STPG2: variants seen among roughly 807,000 people sequenced by gnomAD.
The protein encoded by STPG2 is sperm-tail PG-rich repeat-containing protein 2.
In STPG2, 56 loss-of-function variants were observed where a neutral mutation model predicts 54.2. That is an observed-to-expected ratio of 1.03 (90% CI 0.83 to 1.29). The LOEUF is 1.29. Ranked by LOEUF, STPG2 falls within the 50% of genes most tolerant of loss-of-function variation. The pLI is 0.00. For missense variants in STPG2, 596 were observed against 544.9 expected (o/e 1.09, Z -0.93); for synonymous variants, 200 against 181.8 (o/e 1.10, Z -0.81).
chr4:97,733,854 A>C (rs72879535), intron 9 of STPG2, among the ~76,000 whole-genome samples: 18,764 of 151,578 alleles, frequency 0.12, 1,755 homozygotes, highest in African/African-American at 0.25. Context: ...GTGACGGTTT[A>C]CTCGATATTT....
At chr4:98,097,530 G>A (rs1458299998) in intron 5 of STPG2, among the ~76,000 whole-genome samples, 2 of 152,084 alleles carry the variant, frequency 1.3e-5, no homozygotes, top group Non-Finnish European at 2.9e-5. Flanking sequence ...CATACTGAAT[G>A]GGAAAAACTG....
intron 10 of STPG2, among the ~76,000 whole-genome samples, chr4:97,643,372 T>C (rs1016630904): frequency 1.1e-4 from 16 of 151,696 alleles, no homozygotes; most frequent in Non-Finnish European, 2.4e-4. Context: ...TAACTTCCTC[T>C]TTGTACAGTC....
chr4:97,826,403 T>TA (rs59370561), intron 9 of STPG2, among the ~76,000 whole-genome samples: 88,655 of 152,000 alleles, frequency 0.58, 26,422 homozygotes, highest in East Asian at 0.74. Context: ...AAATTAATTG[T>TA]AAAGAGATTC....
intron 4 of STPG2, among the ~76,000 whole-genome samples, chr4:97,476,862 T>C (rs968556845): frequency 6.6e-6 from 1 of 152,184 alleles, no homozygotes; most frequent in Non-Finnish European, 1.5e-5. Flanking sequence ...CAAATATTAT[T>C]CTCTTTCTGA....
intron 8 of STPG2, among the ~76,000 whole-genome samples, chr4:97,930,094 T>C (rs1732485422): frequency 6.6e-6 from 1 of 152,092 alleles, no homozygotes; most frequent in African/African-American, 2.4e-5. Flanking sequence ...AGATGAGGTT[T>C]CACCATGTTG....
chr4:97,760,417 A>G (rs1172577369), intron 9 of STPG2, among the ~76,000 whole-genome samples: 1 of 152,212 alleles, frequency 6.6e-6, no homozygotes, highest in African/African-American at 2.4e-5. Context: ...CTGGATATAT[A>G]TAATTCTCAT....
intron 10 of STPG2, among the ~76,000 whole-genome samples, chr4:97,597,668 T>C (rs749698056): frequency 8.5e-4 from 130 of 152,182 alleles, no homozygotes; most frequent in African/African-American, 3.1e-3. Context: ...AAAAGGCTTT[T>C]GATAAAATTC....
Position 97,809,352 on chromosome 4 carries a change from C to A in STPG2, c.1204+31421G>T, listed in dbSNP as rs145454492. 1.1e-3 allele frequency among the ~76,000 whole-genome samples: 164 copies of A among 152,248 alleles called. 3 individuals carry two copies. The East Asian group carries it at 0.027, about 25-fold the overall frequency. On this transcript the variant is annotated intron_variant, in intron 9 of 10. Coordinates refer to ENST00000295268, the MANE Select transcript of STPG2 (RefSeq NM_174952.3). Reference sequence around the variant, plus strand: ...CAGGCAGAATTCTAAAGAAACCCCCCCAAGATTCCCATCACTGATTTTTTA... The same window carrying A: ...CAGGCAGAATTCTAAAGAAACCCCCACAAGATTCCCATCACTGATTTTTTA...
At chr4:97,855,612 G>A (rs1010516066) in intron 8 of STPG2, among the ~76,000 whole-genome samples, 7 of 151,992 alleles carry the variant, frequency 4.6e-5, no homozygotes, top group Non-Finnish European at 1.0e-4. Flanking sequence ...CCATTCTGTA[G>A]GTTGCCTGTT....
At chr4:97,662,573 C>A (rs1007460575) in intron 10 of STPG2, among the ~76,000 whole-genome samples, 3 of 152,098 alleles carry the variant, frequency 2.0e-5, no homozygotes, top group Admixed American at 6.5e-5. Flanking sequence ...ATGTTCACTG[C>A]GATGCTATTC....
rs185075215 is a variant in STPG2, at chr4:97,872,228, A to C, written c.1045-31296T>G. Among the ~76,000 whole-genome samples the C allele has an allele frequency of 2.6e-3, 400 of 151,420 alleles. 1 individual carries two copies. Among genetic ancestry groups the C allele is most frequent in the South Asian group, 8.5e-3 (41 of 4,834 alleles). On this transcript the variant is annotated intron_variant, in intron 8 of 10. Transcript: ENST00000295268. ...TAGGGGTATTTCACTAACATCAGGA[A>C]GAAAAAAGGTAAGTGTTACCTCCAA...
intron 5 of STPG2, among the ~76,000 whole-genome samples, chr4:98,024,989 T>A (rs756941656): frequency 1.3e-5 from 2 of 152,214 alleles, no homozygotes; most frequent in Non-Finnish European, 2.9e-5. Context: ...TGCTATATCA[T>A]GGTCATAAAA....
chr4:97,964,591 A>T (rs780769508), intron 7 of STPG2, among the ~76,000 whole-genome samples: 1 of 152,218 alleles, frequency 6.6e-6, no homozygotes, highest in Non-Finnish European at 1.5e-5. Flanking sequence ...TATCTAAATT[A>T]TAAGAATCCC....
chr4:97,701,889 T>C (rs1305483931), intron 10 of STPG2, among the ~76,000 whole-genome samples: 1 of 152,188 alleles, frequency 6.6e-6, no homozygotes, highest in Non-Finnish European at 1.5e-5. Flanking sequence ...CACCTTGGGA[T>C]CCAATTACTC....
At chr4:97,727,259 T>C (rs1002312016) in intron 9 of STPG2, among the ~76,000 whole-genome samples, 1 of 151,942 alleles carries the variant, frequency 6.6e-6, no homozygotes, top group Non-Finnish European at 1.5e-5. Flanking sequence ...CATGATTCCA[T>C]ATTAGTTTTA....
At chr4:98,037,257 C>T (rs1248053619) in intron 5 of STPG2, among the ~76,000 whole-genome samples, 3 of 152,038 alleles carry the variant, frequency 2.0e-5, no homozygotes, top group East Asian at 3.9e-4. Flanking sequence ...CATATGCAAA[C>T]GTACCAGTAA....
intron 5 of STPG2, among the ~76,000 whole-genome samples, chr4:98,074,018 G>A (rs949170058): frequency 2.6e-5 from 4 of 152,106 alleles, no homozygotes; most frequent in Non-Finnish European, 5.9e-5. Context: ...TTTATTTAGA[G>A]GTGCTGAGGA....
At chr4:97,702,504 A>G (rs568013294) in intron 10 of STPG2, among the ~76,000 whole-genome samples, 4 of 152,236 alleles carry the variant, frequency 2.6e-5, no homozygotes, top group African/African-American at 9.6e-5. Flanking sequence ...CTAGAAGCAA[A>G]TGGGGGCATT....
chr4:97,914,877 AC>A (rs1308397623), intron 8 of STPG2, among the ~76,000 whole-genome samples: 1 of 152,110 alleles, frequency 6.6e-6, no homozygotes, highest in Non-Finnish European at 1.5e-5. Context: ...TATGAATTTC[AC>A]TACTCTAGGT....
Sources: gnomAD v4.1 joint callset for allele counts (sites outside exome capture counted in the v4.1 genomes callset) on GRCh38, gnomAD v4.1.1 for gene constraint, MANE v1.5 for transcripts, NCBI Gene and HGNC (gene_info 2026-07-23, HGNC 2026-07-21) for gene names.